Variants in GAD2 observed in about 807,000 individuals in gnomAD.
GAD2 encodes the protein glutamate decarboxylase 2.
GAD2 carries 22 observed loss-of-function variants against 80.1 expected under a neutral mutation model. That is an observed-to-expected ratio of 0.27 (90% confidence interval 0.20 to 0.39). The LOEUF is 0.39. GAD2 is among the 10% of genes least tolerant of loss of function. The pLI is 1.00. For missense variants in GAD2, 624 were observed against 738.4 expected, an observed-to-expected ratio of 0.85 and a Z score of 1.80; for synonymous variants, 274 against 256.9, an observed-to-expected ratio of 1.07 and a Z score of -0.64.
At chr10:26,221,315 C>T (rs551600366) in intron 4 of GAD2, among the ~76,000 whole-genome samples, 1 of 152,264 alleles carries the variant, frequency 6.6e-6, no homozygotes, top group East Asian at 1.9e-4. Flanking sequence ...CACTTGGGCT[C>T]CAAGCTTAGA....
intron 8 of GAD2, among the ~76,000 whole-genome samples, chr10:26,260,996 A>AT (rs1845002892): frequency 6.6e-6 from 1 of 152,242 alleles, no homozygotes; most frequent in African/African-American, 2.4e-5. Flanking sequence ...ATCATGGAGA[A>AT]TAGGGTATCC....
chr10:26,231,769 T>G (rs1844605636), intron 7 of GAD2, among the ~76,000 whole-genome samples: 1 of 152,182 alleles, frequency 6.6e-6, no homozygotes, highest in Non-Finnish European at 1.5e-5. Flanking sequence ...TTCCTTGATG[T>G]TTCCAGTTTC....
At chr10:26,266,615 GA>G (rs1315701261) in intron 8 of GAD2, among the ~76,000 whole-genome samples, 1 of 152,188 alleles carries the variant, frequency 6.6e-6, no homozygotes. Context: ...GAGTGCCCAG[GA>G]AAAACTAGAG....
chr10:26,243,558 T>G (rs1844769104), intron 7 of GAD2, among the ~76,000 whole-genome samples: 1 of 152,218 alleles, frequency 6.6e-6, no homozygotes, highest in Non-Finnish European at 1.5e-5. Flanking sequence ...GCTCTCCAAA[T>G]GGCACGGTGA....
chr10:26,276,495 C>T (rs939434401), intron 11 of GAD2, among the ~76,000 whole-genome samples: 1 of 152,114 alleles, frequency 6.6e-6, no homozygotes, highest in Non-Finnish European at 1.5e-5. Flanking sequence ...AATTCTCCTG[C>T]CTCAACCTCC....
chr10:26,218,492 C>A (rs1370590498), intron 3 of GAD2, among the ~76,000 whole-genome samples: 1 of 151,878 alleles, frequency 6.6e-6, no homozygotes, highest in African/African-American at 2.4e-5. Context: ...CACCGTCTCC[C>A]AAATGTACGC....
At chr10:26,218,437 T>C (rs1169712907) in intron 3 of GAD2, 2 of 160,380 alleles carry the variant, frequency 1.2e-5, no homozygotes, top group East Asian at 3.7e-4. Flanking sequence ...AACGATTCCA[T>C]TCACATGAAA....
intron 7 of GAD2, among the ~76,000 whole-genome samples, chr10:26,230,816 G>A (rs900276007): frequency 4.6e-5 from 7 of 151,990 alleles, no homozygotes; most frequent in African/African-American, 1.2e-4. Flanking sequence ...TACCAGGCAC[G>A]GTGGCTCATG....
intron 11 of GAD2, among the ~76,000 whole-genome samples, chr10:26,277,860 G>A (rs6482551): frequency 0.032 from 4,895 of 152,208 alleles, 281 homozygotes; most frequent in African/African-American, 0.11. Context: ...TGGATTTGAG[G>A]CAGAAATAAG....
intron 7 of GAD2, among the ~76,000 whole-genome samples, chr10:26,244,920 G>A (rs1844786031): frequency 6.6e-6 from 1 of 152,162 alleles, no homozygotes; most frequent in Non-Finnish European, 1.5e-5. Context: ...GGGAGGTTGA[G>A]GCAGGTGGAT....
intron 15 of GAD2, among the ~76,000 whole-genome samples, chr10:26,300,192 A>G (rs1186145917): frequency 2.0e-5 from 3 of 152,220 alleles, no homozygotes; most frequent in Non-Finnish European, 2.9e-5. Flanking sequence ...TGTCTGTGAT[A>G]TGAAACATAT....
intron 5 of GAD2, 43 bp from the exon 6 acceptor site, chr10:26,224,496 A>G: frequency 9.0e-7 from 1 of 1,112,680 alleles, no homozygotes; most frequent in South Asian, 1.2e-5. Flanking sequence ...TAAATTATTT[A>G]TCTGAGTTAC....
chr10:26,221,289 A>T (rs559921856), intron 4 of GAD2, among the ~76,000 whole-genome samples: 1 of 152,324 alleles, frequency 6.6e-6, no homozygotes, highest in South Asian at 2.1e-4. Flanking sequence ...CTACTGAGAG[A>T]CCTTAACCTG....
At chr10:26,238,815 A>T (rs1337743611) in intron 7 of GAD2, among the ~76,000 whole-genome samples, 1 of 152,256 alleles carries the variant, frequency 6.6e-6, no homozygotes, top group Non-Finnish European at 1.5e-5. Context: ...TGGCGAGCAG[A>T]AGTAAGGACA....
rs143745134 is a variant in GAD2, at chr10:26,261,529, C to T, written c.921-7590C>T. ...CCAGGTGAAGCTATTAGGTCCTGGG[C>T]TTTTCTTTGATGGGAGATTTTTGTT... is the stretch of plus-strand genomic sequence containing the variant. On this transcript the variant is annotated intron_variant, in intron 8 of 15. Transcript: ENST00000376261. Among the ~76,000 whole-genome samples, 33 of 152,208 alleles carry T rather than the reference C, an allele frequency of 2.2e-4. No homozygotes were observed. In the East Asian group the frequency reaches 6.2e-3, roughly 28 times the overall value.
rs1844446990 is a variant in GAD2 at position 26,221,124 on chromosome 10, A to G, written c.520+1848A>G. ...TTAACAGCAGTCATTTTCTCTATTC[A>G]GCTGGCAACTTTATAGATTTCTGTG... On this transcript the variant is annotated intron_variant, in intron 4 of 15. Coordinates refer to ENST00000376261, the MANE Select transcript of GAD2 (RefSeq NM_001134366.2). 1.3e-5 allele frequency among the ~76,000 whole-genome samples: 2 copies of G among 152,230 alleles called. 1 individual carries two copies. The highest frequency in any genetic ancestry group is 4.1e-4 in the South Asian group (2 of 4,832).
chr10:26,258,197 T>G (rs898739523), intron 8 of GAD2, among the ~76,000 whole-genome samples: 4 of 152,268 alleles, frequency 2.6e-5, no homozygotes, highest in African/African-American at 9.6e-5. Context: ...CACATTTATC[T>G]GGTGCTAACA....
intron 8 of GAD2, among the ~76,000 whole-genome samples, chr10:26,268,374 A>C (rs918903385): frequency 6.6e-6 from 1 of 151,504 alleles, no homozygotes; most frequent in African/African-American, 2.4e-5. Context: ...AGGCTGAGGC[A>C]GGAGAATGGT....
chr10:26,233,484 G>GGACAGGTGAGCTCTTAAAAGT (rs1448380130), intron 7 of GAD2, among the ~76,000 whole-genome samples: 1 of 152,082 alleles, frequency 6.6e-6, no homozygotes, highest in East Asian at 1.9e-4. Context: ...TAACCATCCT[G>GGACAGGTGAGCTCTTAAAAGT]GACAGGTGAG....
Sources: gnomAD v4.1 joint callset for allele counts (sites outside exome capture counted in the v4.1 genomes callset) on GRCh38, gnomAD v4.1.1 for gene constraint, MANE v1.5 for transcripts, NCBI Gene and HGNC (gene_info 2026-07-23, HGNC 2026-07-21) for gene names.